GRIA4: variants seen among roughly 807,000 people sequenced by gnomAD.
GRIA4 encodes glutamate receptor 4.
Under a neutral mutation model 104.0 loss-of-function variants are expected in GRIA4, and 34 were observed. The ratio of observed to expected loss-of-function variants is 0.33; its 90% CI spans 0.25 to 0.44. The LOEUF is 0.44. GRIA4 is among the 20% of genes least tolerant of loss of function. The pLI, the probability that GRIA4 is intolerant of heterozygous loss-of-function variation, is 1.00. For synonymous variants in GRIA4, 386 were observed against 381.9 expected (o/e 1.01, Z -0.13); for missense variants, 750 against 1,096.5 (o/e 0.68, Z 4.46).
chr11:105,845,561 T>A (rs1484554179), intron 4 of GRIA4, among the ~76,000 whole-genome samples: 1 of 152,064 alleles, frequency 6.6e-6, no homozygotes, highest in Non-Finnish European at 1.5e-5. Context: ...TAATCCTGTT[T>A]CTTCATCTGA....
intron 4 of GRIA4, among the ~76,000 whole-genome samples, chr11:105,777,480 T>C (rs1224927974): frequency 6.6e-6 from 1 of 152,176 alleles, no homozygotes; most frequent in Non-Finnish European, 1.5e-5. Flanking sequence ...TTCCTTATAT[T>C]CTTATATTTT....
intron 3 of GRIA4, among the ~76,000 whole-genome samples, chr11:105,710,518 A>T (rs958247913): frequency 6.6e-5 from 10 of 152,300 alleles, no homozygotes; most frequent in Middle Eastern, 3.4e-3. Context: ...AAAAAGAGAC[A>T]TGAGTATCTT....
At chr11:105,614,566 GTTTA>G (rs1950554308) in intron 3 of GRIA4, 1 of 151,876 alleles carries the variant, frequency 6.6e-6, no homozygotes, top group East Asian at 1.9e-4. Flanking sequence ...CTTTAAGTCT[GTTTA>G]TTTAGAATCC....
At chr11:105,634,508 AG>A (rs1439049959) in intron 3 of GRIA4, among the ~76,000 whole-genome samples, 1 of 56,638 alleles carries the variant, frequency 1.8e-5, no homozygotes, top group Non-Finnish European at 5.2e-5. Flanking sequence ...AAAGAAAGAA[AG>A]AAAGAAGAAA....
At chr11:105,888,155 G>C (rs1484884326) in intron 6 of GRIA4, among the ~76,000 whole-genome samples, 2 of 151,932 alleles carry the variant, frequency 1.3e-5, no homozygotes, top group African/African-American at 4.8e-5. Context: ...TGTAGTGTAG[G>C]GGGTAGATTA....
chr11:105,625,375 G>T (rs535519184), intron 3 of GRIA4, among the ~76,000 whole-genome samples: 2 of 152,150 alleles, frequency 1.3e-5, no homozygotes, highest in South Asian at 4.1e-4. Context: ...AGCCAGAATT[G>T]AATAACACAA....
rs771778449 is a variant in GRIA4 at position 105,905,185 on chromosome 11, T to C, written c.1054-12T>C. 5.3e-6 allele frequency: 8 copies of C among 1,504,192 alleles called. No individual in the cohort carries two copies. In the East Asian group the frequency reaches 6.8e-5, roughly 13 times the overall value. The allele number at this position is 1,504,192 out of a possible 1,614,324, so 93.2% of individuals were successfully genotyped here. On this transcript the variant is annotated splice_polypyrimidine_tract_variant and intron_variant, in intron 8 of 16. Transcript: ENST00000282499. ...TTGCAAGTGAACACGTGTGGTTTTC[T>C]TTTTCACTTAGGTTCGAATTCAAGG...
At chr11:105,789,048 C>A (rs1432348289) in intron 4 of GRIA4, among the ~76,000 whole-genome samples, 1 of 151,988 alleles carries the variant, frequency 6.6e-6, no homozygotes, top group African/African-American at 2.4e-5. Context: ...TAGTGACACA[C>A]AGGTAGATAA....
intron 14 of GRIA4, 100 bp downstream of exon 14, chr11:105,934,069 A>ATGTT (rs1050748059): frequency 9.0e-6 from 9 of 1,001,596 alleles, no homozygotes; most frequent in Non-Finnish European, 1.3e-5. Flanking sequence ...TGAACATGGT[A>ATGTT]TGTTTGTTTG....
chr11:105,879,039 T>C (rs1165950372), intron 5 of GRIA4, among the ~76,000 whole-genome samples: 1 of 152,200 alleles, frequency 6.6e-6, no homozygotes, highest in Non-Finnish European at 1.5e-5. Flanking sequence ...CGAGGGAATC[T>C]CCTGGTCTGC....
At chr11:105,786,144 C>CAAAAAAAAAAAAAAAA (rs34888562) in intron 4 of GRIA4, among the ~76,000 whole-genome samples, 1 of 89,300 alleles carries the variant, frequency 1.1e-5, no homozygotes, top group Non-Finnish European at 2.1e-5. Flanking sequence ...GACCCTTTCT[C>CAAAAAAAAAAAAAAAA]AAAAAAAAAA....
chr11:105,812,713 A>G (rs1943223578), intron 4 of GRIA4, among the ~76,000 whole-genome samples: 1 of 152,070 alleles, frequency 6.6e-6, no homozygotes, highest in Non-Finnish European at 1.5e-5. Context: ...TCTGAATCAT[A>G]CCCTACTCGC....
chr11:105,954,141 C>A (rs1948526720), intron 14 of GRIA4, among the ~76,000 whole-genome samples: 2 of 152,138 alleles, frequency 1.3e-5, no homozygotes, highest in Admixed American at 6.6e-5. Context: ...GACCTGTTCC[C>A]ATCAAATAAA....
At chr11:105,730,136 G>A (rs1043788836) in intron 3 of GRIA4, among the ~76,000 whole-genome samples, 4 of 152,118 alleles carry the variant, frequency 2.6e-5, no homozygotes, top group Non-Finnish European at 5.9e-5. Flanking sequence ...AAACCCCATC[G>A]TCTCAGCCCA....
intron 3 of GRIA4, among the ~76,000 whole-genome samples, chr11:105,621,369 G>A (rs192528310): frequency 4.5e-4 from 67 of 150,520 alleles, no homozygotes; most frequent in Middle Eastern, 3.4e-3. Flanking sequence ...AGTTTGCTAG[G>A]GATCTTTCCA....
At position 105,874,866 on chromosome 11, in the gene GRIA4, C is replaced by A. The variant is rs1012842195; in HGVS notation, c.673-12653C>A. ...CAATCATGTCATCTGCAAATAGAGA[C>A]AATTTAACTTCCTCTATTCCTATCT... On this transcript the variant is annotated intron_variant, in intron 5 of 16. Transcript: ENST00000282499. 5.3e-5 allele frequency among the ~76,000 whole-genome samples: 8 copies of A among 152,112 alleles called. No homozygotes were observed. In the East Asian group the frequency reaches 5.8e-4, roughly 11 times the overall value.
At chr11:105,862,828 G>C (rs548035472) in intron 5 of GRIA4, among the ~76,000 whole-genome samples, 3 of 152,162 alleles carry the variant, frequency 2.0e-5, no homozygotes, top group African/African-American at 7.2e-5. Context: ...AAGCAGCCAG[G>C]AAAAGATTAA....
intron 3 of GRIA4, among the ~76,000 whole-genome samples, chr11:105,700,984 A>T (rs1022395353): frequency 6.6e-5 from 10 of 152,124 alleles, no homozygotes; most frequent in Admixed American, 3.9e-4. Flanking sequence ...CTTCTCAACC[A>T]TCCCTATTCC....
At position 105,753,541 on chromosome 11, in the gene GRIA4, C is replaced by G. The variant is rs542885050; in HGVS notation, c.487+321C>G. Among the ~76,000 whole-genome samples the G allele has an allele frequency of 5.9e-5, 9 of 152,284 alleles. No individual in the cohort carries two copies. In the South Asian group the frequency reaches 8.3e-4, roughly 14 times the overall value. ...AAAATAGTTCTGTGACCTCTGGTCA[C>G]CAACATGTGTGGAGGTTATTCCCAT... On this transcript the variant is annotated intron_variant, in intron 4 of 16. Transcript: ENST00000282499.
Sources: gnomAD v4.1 joint callset for allele counts (sites outside exome capture counted in the v4.1 genomes callset) on GRCh38, gnomAD v4.1.1 for gene constraint, MANE v1.5 for transcripts, NCBI Gene and HGNC (gene_info 2026-07-23, HGNC 2026-07-21) for gene names.